Variants in SLC16A10 observed in about 807,000 individuals in gnomAD.
The protein encoded by SLC16A10 is monocarboxylate transporter 10.
A neutral mutation model predicts 40.0 loss-of-function variants in SLC16A10; 27 were observed. The ratio of observed to expected loss-of-function variants is 0.67; its 90% confidence interval spans 0.50 to 0.93. The LOEUF is 0.93. SLC16A10 is among the 40% of genes least tolerant of loss of function. The probability of loss-of-function intolerance (pLI) is 0.00; values close to 1 mark genes in which losing one functional copy is unlikely to be tolerated. For missense variants in SLC16A10, 529 were observed against 658.2 expected (o/e 0.80, Z 2.15); for synonymous variants, 213 against 249.8 (o/e 0.85, Z 1.39).
intron 1 of SLC16A10, among the ~76,000 whole-genome samples, chr6:111,133,793 A>C (rs1221624290): frequency 1.3e-5 from 2 of 152,192 alleles, no homozygotes; most frequent in Non-Finnish European, 2.9e-5. Flanking sequence ...AGGAGTAAAC[A>C]ATGAACCAAA....
chr6:111,208,299 A>G (rs1384521893), intron 4 of SLC16A10, among the ~76,000 whole-genome samples: 3 of 151,912 alleles, frequency 2.0e-5, no homozygotes, highest in African/African-American at 4.8e-5. Flanking sequence ...ATAAAGATCA[A>G]TTTCGGCTGT....
intron 1 of SLC16A10, among the ~76,000 whole-genome samples, chr6:111,171,226 A>G (rs1475038478): frequency 6.6e-6 from 1 of 152,216 alleles, no homozygotes; most frequent in Non-Finnish European, 1.5e-5. Flanking sequence ...TATTTGGCCA[A>G]TCAGCTCCTT....
At chr6:111,129,859 T>C (rs1311258657) in intron 1 of SLC16A10, among the ~76,000 whole-genome samples, 1 of 152,246 alleles carries the variant, frequency 6.6e-6, no homozygotes, top group Non-Finnish European at 1.5e-5. Flanking sequence ...ATTGTTTCTC[T>C]TTTCTCCCTC....
chr6:111,114,863 G>A (rs1398297209), intron 1 of SLC16A10, among the ~76,000 whole-genome samples: 1 of 152,000 alleles, frequency 6.6e-6, no homozygotes, highest in African/African-American at 2.4e-5. Flanking sequence ...TTAAAGGTAC[G>A]TTATCTATTT....
intron 4 of SLC16A10, among the ~76,000 whole-genome samples, chr6:111,211,223 G>C (rs960202299): frequency 2.0e-5 from 3 of 152,112 alleles, no homozygotes; most frequent in Admixed American, 2.0e-4. Flanking sequence ...AATAGATAAA[G>C]TCATGATATA....
chr6:111,181,065 A>G (rs1361726582), intron 3 of SLC16A10, among the ~76,000 whole-genome samples: 1 of 151,802 alleles, frequency 6.6e-6, no homozygotes, highest in East Asian at 1.9e-4. Context: ...AAGTACAAAA[A>G]TTAGCTGGAC....
intron 3 of SLC16A10, among the ~76,000 whole-genome samples, chr6:111,203,006 A>G (rs986460198): frequency 6.6e-6 from 1 of 151,996 alleles, no homozygotes; most frequent in East Asian, 1.9e-4. Context: ...ACAGCATAAT[A>G]TTATCCCCTG....
chr6:111,091,514 G>A (rs1234500741), intron 1 of SLC16A10, among the ~76,000 whole-genome samples: 1 of 152,178 alleles, frequency 6.6e-6, no homozygotes, highest in African/African-American at 2.4e-5. Context: ...ATAAACAATT[G>A]CAAATTATTA....
chr6:111,155,691 T>A (rs547360635), intron 1 of SLC16A10, among the ~76,000 whole-genome samples: 2 of 152,032 alleles, frequency 1.3e-5, no homozygotes, highest in South Asian at 4.1e-4. Context: ...ATTAGAAGAG[T>A]TGGAGGTGTA....
At chr6:111,174,664 C>T (rs957775893) in intron 2 of SLC16A10, among the ~76,000 whole-genome samples, 1 of 152,030 alleles carries the variant, frequency 6.6e-6, no homozygotes, top group African/African-American at 2.4e-5. Context: ...ATTAATACCT[C>T]ATCAGATAGC....
intron 4 of SLC16A10, among the ~76,000 whole-genome samples, chr6:111,214,214 A>G (rs577319069): frequency 5.3e-5 from 8 of 152,214 alleles, no homozygotes; most frequent in African/African-American, 1.9e-4. Context: ...CAAAAGCAAT[A>G]TAGACATCTA....
In SLC16A10 at chr6:111,225,513, GCA is replaced by G. The variant is rs1263751348; in HGVS notation, c.*3280_*3281del. 2.1e-5 allele frequency: 3 copies of G among 143,214 alleles called. No individual in the cohort carries two copies. The highest frequency in any genetic ancestry group is 4.5e-5 in the Non-Finnish European group (3 of 67,132). The allele number at this position is 143,214 out of a possible 1,614,324, so 8.9% of individuals were successfully genotyped here. On this transcript the variant is annotated 3_prime_UTR_variant, in exon 6 of 6. Transcript: ENST00000368851. ...TGCAGTGAGGCGAGATTGCGCCACT[GCA>G]CTCCAGCCTGGGCGACAGAGCGAGA...
intron 3 of SLC16A10, among the ~76,000 whole-genome samples, chr6:111,180,530 CTGAG>C (rs1772770415): frequency 6.6e-6 from 1 of 152,130 alleles, no homozygotes; most frequent in Non-Finnish European, 1.5e-5. Flanking sequence ...GCCTGGGTGA[CTGAG>C]TAAGACCCTA....
Position 111,205,114 on chromosome 6 carries a change from A to G in SLC16A10, c.943-1478A>G, listed in dbSNP as rs56353358. On this transcript the variant is annotated intron_variant, in intron 3 of 5. Transcript: ENST00000368851. ...ATAAGGAATTGATGAGATTAAAGCC[A>G]TATTTAGGAGGATTATTCTGGACCA... Among the ~76,000 whole-genome samples the G allele has an allele frequency of 7.1e-3, 1,078 of 152,312 alleles. 15 individuals are homozygous for G. Among genetic ancestry groups the G allele is most frequent in the African/African-American group, 0.025 (1,031 of 41,558 alleles).
chr6:111,159,658 C>A (rs1232309454), intron 1 of SLC16A10, among the ~76,000 whole-genome samples: 1 of 152,124 alleles, frequency 6.6e-6, no homozygotes, highest in African/African-American at 2.4e-5. Context: ...CTGGGAACCC[C>A]CTAGGAATGG....
At chr6:111,130,540 T>C (rs1215973873) in intron 1 of SLC16A10, among the ~76,000 whole-genome samples, 1 of 152,224 alleles carries the variant, frequency 6.6e-6, no homozygotes, top group Non-Finnish European at 1.5e-5. Flanking sequence ...TTCTGTTATG[T>C]GTGTGTGGAG....
chr6:111,172,174 C>A (rs1383856002), intron 1 of SLC16A10, among the ~76,000 whole-genome samples: 4 of 152,060 alleles, frequency 2.6e-5, no homozygotes, highest in Non-Finnish European at 5.9e-5. Flanking sequence ...GTAACCTGAC[C>A]AAGAATACGT....
intron 1 of SLC16A10, among the ~76,000 whole-genome samples, chr6:111,099,353 C>A (rs1771131275): frequency 6.6e-6 from 1 of 152,186 alleles, no homozygotes; most frequent in Non-Finnish European, 1.5e-5. Flanking sequence ...TCCTGCTCTG[C>A]TGCCCAGGCT....
chr6:111,145,614 T>C (rs1003400834), intron 1 of SLC16A10, among the ~76,000 whole-genome samples: 2 of 151,638 alleles, frequency 1.3e-5, no homozygotes, highest in African/African-American at 2.4e-5. Context: ...AAGTATAAGC[T>C]GAGACAAGAA....
Sources: allele counts gnomAD v4.1 joint callset (sites outside exome capture counted in the v4.1 genomes callset), GRCh38; gene constraint gnomAD v4.1.1; transcripts MANE v1.5; gene names NCBI Gene and HGNC (gene_info 2026-07-23, HGNC 2026-07-21).